Variants in SGCZ observed in about 807,000 individuals in gnomAD.
SGCZ encodes sarcoglycan zeta, also known as zeta-sarcoglycan.
In SGCZ, 40 loss-of-function variants were observed where a neutral mutation model predicts 41.3. The observed-to-expected ratio is 0.97, with a 90% confidence interval of 0.75 to 1.26. The LOEUF is 1.26. SGCZ is among the 50% of genes most tolerant of loss of function. The pLI is 0.00. For missense variants in SGCZ, 552 were observed against 369.8 expected (o/e 1.49, Z -4.04); for synonymous variants, 206 against 137.5 (o/e 1.50, Z -3.49).
intron 1 of SGCZ, among the ~76,000 whole-genome samples, chr8:14,682,247 G>A (rs1055397281): frequency 6.6e-6 from 1 of 152,040 alleles, no homozygotes; most frequent in Admixed American, 6.6e-5. Flanking sequence ...AAGAGGCTAG[G>A]GTTGTACTAT....
rs1801058843 is a variant in SGCZ, at chr8:14,466,656, T to C, written c.234+88076A>G. On this transcript the variant is annotated intron_variant, in intron 2 of 7. Coordinates refer to ENST00000382080, the MANE Select transcript of SGCZ (RefSeq NM_139167.4). ...TCACTTAACCTCCATCTTTTTTCTT[T>C]CTATTCCTCAGACTCAATAATTTCC... Among the ~76,000 whole-genome samples, 4 of 151,902 alleles carry C rather than the reference T, an allele frequency of 2.6e-5. No homozygotes were observed. The South Asian group carries it at 6.2e-4, about 24-fold the overall frequency.
chr8:14,464,590 T>G (rs1800995745), intron 2 of SGCZ, among the ~76,000 whole-genome samples: 1 of 151,458 alleles, frequency 6.6e-6, no homozygotes, highest in South Asian at 2.1e-4. Context: ...TTCTTTATTT[T>G]GTTTATCTCT....
At chr8:15,173,505 T>C (rs1799910322) in intron 1 of SGCZ, among the ~76,000 whole-genome samples, 1 of 152,192 alleles carries the variant, frequency 6.6e-6, no homozygotes. Flanking sequence ...GTGTCTTTAA[T>C]TGCATATTAA....
At chr8:14,191,015 C>G (rs759119457) in intron 4 of SGCZ, among the ~76,000 whole-genome samples, 13 of 152,260 alleles carry the variant, frequency 8.5e-5, no homozygotes, top group Middle Eastern at 3.4e-3. Flanking sequence ...CCTGTAATGA[C>G]TCGTCTTTTT....
At chr8:14,325,557 T>C (rs952868388) in intron 2 of SGCZ, among the ~76,000 whole-genome samples, 1 of 147,558 alleles carries the variant, frequency 6.8e-6, no homozygotes, top group Non-Finnish European at 1.5e-5. Context: ...AGATTATATA[T>C]AATCATAATC....
At chr8:15,092,984 A>G (rs1806206683) in intron 1 of SGCZ, among the ~76,000 whole-genome samples, 2 of 152,228 alleles carry the variant, frequency 1.3e-5, no homozygotes, top group Non-Finnish European at 2.9e-5. Flanking sequence ...GCAGCCACAT[A>G]TGACAAATAC....
At chr8:14,976,741 G>T (rs1020244963) in intron 1 of SGCZ, among the ~76,000 whole-genome samples, 1 of 152,080 alleles carries the variant, frequency 6.6e-6, no homozygotes, top group Non-Finnish European at 1.5e-5. Context: ...ATCCCACACC[G>T]GTGTTAATCT....
intron 5 of SGCZ, among the ~76,000 whole-genome samples, chr8:14,126,771 T>C (rs994866452): frequency 6.6e-6 from 1 of 152,180 alleles, no homozygotes; most frequent in African/African-American, 2.4e-5. Flanking sequence ...AAAGAAAATG[T>C]GGTGCATATA....
intron 1 of SGCZ, among the ~76,000 whole-genome samples, chr8:15,199,458 T>C (rs541156455): frequency 5.3e-5 from 8 of 152,342 alleles, no homozygotes; most frequent in South Asian, 4.1e-4. Flanking sequence ...CCATTACTTA[T>C]GAGATTCGAA....
chr8:14,421,555 A>G (rs75466603), intron 2 of SGCZ, among the ~76,000 whole-genome samples: 4,652 of 152,222 alleles, frequency 0.031, 96 homozygotes, highest in South Asian at 0.079. Context: ...TCTGCATCAT[A>G]TAAGACAAGG....
At chr8:14,196,616 G>T (rs1805275029) in intron 4 of SGCZ, among the ~76,000 whole-genome samples, 1 of 152,116 alleles carries the variant, frequency 6.6e-6, no homozygotes, top group African/African-American at 2.4e-5. Flanking sequence ...CTTAATAACT[G>T]CAATCTGAAA....
Position 14,949,042 on chromosome 8 carries a change from T to C in SGCZ, c.39+288543A>G, listed in dbSNP as rs1028789411. On this transcript the variant is annotated intron_variant, in intron 1 of 7. Transcript: ENST00000382080. ...CCCCTCACATACTGCCAAATCACAA[T>C]ATCCAAAGTACATTCGGTACATTTC... Among the ~76,000 whole-genome samples the C allele has an allele frequency of 7.2e-5, 11 of 152,108 alleles. No homozygotes were observed. The East Asian group carries it at 1.9e-3, about 27-fold the overall frequency.
At chr8:14,445,861 C>T (rs1800417343) in intron 2 of SGCZ, among the ~76,000 whole-genome samples, 1 of 152,136 alleles carries the variant, frequency 6.6e-6, no homozygotes, top group Non-Finnish European at 1.5e-5. Context: ...CCTGCTGGTG[C>T]CCAGAGCTGC....
At chr8:15,097,901 T>C (rs1806442592) in intron 1 of SGCZ, among the ~76,000 whole-genome samples, 1 of 125,644 alleles carries the variant, frequency 8.0e-6, no homozygotes, top group Non-Finnish European at 1.7e-5. Flanking sequence ...TATATATATA[T>C]ATATATATAC....
At chr8:14,552,478 A>G (rs1475061341) in intron 2 of SGCZ, among the ~76,000 whole-genome samples, 1 of 152,110 alleles carries the variant, frequency 6.6e-6, no homozygotes, top group Non-Finnish European at 1.5e-5. Flanking sequence ...TCTGATTATA[A>G]AAAGGTCAAA....
At position 15,204,592 on chromosome 8, in the gene SGCZ, G is replaced by T. The variant is rs1186385212; in HGVS notation, c.39+32993C>A. Among the ~76,000 whole-genome samples, 5 of 152,172 alleles carry T rather than the reference G, an allele frequency of 3.3e-5. No homozygotes were observed. In the East Asian group the frequency reaches 9.7e-4, roughly 29 times the overall value. ...TGAAGTCTTTCGTCACCCAACTAGG[G>T]TCTTCCCTTCCTTTGCGACTCTCAT... On this transcript the variant is annotated intron_variant, in intron 1 of 7. Transcript: ENST00000382080.
intron 1 of SGCZ, among the ~76,000 whole-genome samples, chr8:15,219,787 C>T (rs962369613): frequency 1.3e-5 from 2 of 152,012 alleles, no homozygotes; most frequent in African/African-American, 2.4e-5. Flanking sequence ...AATTTGAAGG[C>T]GAAATAGCAG....
intron 1 of SGCZ, among the ~76,000 whole-genome samples, chr8:14,793,824 G>C (rs1801037627): frequency 2.6e-5 from 4 of 152,042 alleles, no homozygotes; most frequent in Non-Finnish European, 4.4e-5. Flanking sequence ...TTTTCTATTT[G>C]AAAGAAGCTG....
chr8:14,647,753 G>T (rs1249002299), intron 1 of SGCZ, among the ~76,000 whole-genome samples: 1 of 151,960 alleles, frequency 6.6e-6, no homozygotes, highest in African/African-American at 2.4e-5. Flanking sequence ...TTAAAGCAGG[G>T]TGAGAAACCT....
Sources: allele counts gnomAD v4.1 joint callset (sites outside exome capture counted in the v4.1 genomes callset), GRCh38; gene constraint gnomAD v4.1.1; transcripts MANE v1.5; gene names NCBI Gene and HGNC (gene_info 2026-07-23, HGNC 2026-07-21).